NAV1: variants seen among roughly 807,000 people sequenced by gnomAD.
NAV1 encodes neuron navigator 1.
NAV1 carries 18 observed loss-of-function variants against 175.2 expected under a neutral mutation model. That is an observed-to-expected ratio of 0.10 (90% CI 0.07 to 0.15). The LOEUF is 0.15. Among genes scored for constraint, NAV1 ranks in the 10% least tolerant of loss-of-function variants. The probability of loss-of-function intolerance (pLI) is 1.00; values close to 1 mark genes in which losing one functional copy is unlikely to be tolerated. For missense variants in NAV1, 1,731 were observed against 2,436.6 expected (o/e 0.71, Z 6.10); for synonymous variants, 897 against 978.7 (o/e 0.92, Z 1.56).
intron 1 of NAV1, among the ~76,000 whole-genome samples, chr1:201,657,990 G>A (rs963396374): frequency 1.3e-5 from 2 of 152,202 alleles, no homozygotes; most frequent in Non-Finnish European, 2.9e-5. Flanking sequence ...CTGAGATCAC[G>A]CCACTGCACT....
At chr1:201,610,639 T>C (rs1280072188) in intron 2 of NAV1, among the ~76,000 whole-genome samples, 4 of 152,146 alleles carry the variant, frequency 2.6e-5, no homozygotes, top group East Asian at 3.9e-4. Flanking sequence ...GGGAAGAGCA[T>C]TTGTCCTTCT....
intron 2 of NAV1, among the ~76,000 whole-genome samples, chr1:201,616,969 G>A (rs1454524116): frequency 1.3e-5 from 2 of 152,110 alleles, no homozygotes; most frequent in African/African-American, 4.8e-5. Context: ...TTGAACAAAG[G>A]GATCCTGCCA....
chr1:201,684,382 G>A (rs1200115173), intron 1 of NAV1, among the ~76,000 whole-genome samples: 1 of 151,506 alleles, frequency 6.6e-6, no homozygotes, highest in Non-Finnish European at 1.5e-5. Context: ...TATGTAAACT[G>A]TGTGTGTGTA....
intron 1 of NAV1, among the ~76,000 whole-genome samples, chr1:201,580,791 A>C (rs545098884): frequency 6.6e-6 from 1 of 152,100 alleles, no homozygotes; most frequent in African/African-American, 2.4e-5. Flanking sequence ...AAAAAAGAAT[A>C]TGAGATATTC....
rs775161971 is a variant in NAV1 at position 201,811,600 on chromosome 1, C to T, written c.4798-3C>T. ...GCTGACCCACAGCCTTCTTTTATTC[C>T]AGGATCTGCAACTGTATCTTTCCAA... On this transcript the variant is annotated splice_region_variant and splice_polypyrimidine_tract_variant and intron_variant, in intron 24 of 29. Transcript: ENST00000367296. 5.0e-6 allele frequency: 8 copies of T among 1,613,910 alleles called. No homozygotes were observed. The African/African-American group carries it at 8.0e-5, about 16-fold the overall frequency.
At chr1:201,564,074 G>A (rs188998456) in intron 1 of NAV1, among the ~76,000 whole-genome samples, 1 of 149,690 alleles carries the variant, frequency 6.7e-6, no homozygotes, top group Non-Finnish European at 1.5e-5. Flanking sequence ...TCCAGCCTGG[G>A]TGACAGAGCA....
intron 1 of NAV1, among the ~76,000 whole-genome samples, chr1:201,685,310 C>T (rs535963570): frequency 6.6e-6 from 1 of 152,308 alleles, no homozygotes; most frequent in African/African-American, 2.4e-5. Context: ...AGGCTACACT[C>T]CAAAGGCTGA....
At chr1:201,793,798 C>T (rs1352062982) in exon 14 of NAV1, 2 of 1,553,630 alleles carry the variant, frequency 1.3e-6, no homozygotes, top group African/African-American at 2.8e-5. Context: ...TCAGGCTAAT[C>T]TGGTGGCTGC....
intron 1 of NAV1, among the ~76,000 whole-genome samples, chr1:201,672,007 C>G (rs1212627898): frequency 6.6e-6 from 1 of 152,166 alleles, no homozygotes; most frequent in Non-Finnish European, 1.5e-5. Flanking sequence ...AGCAGTGTCC[C>G]GTCTCTCCTC....
chr1:201,742,429 C>G (rs4950845), intron 3 of NAV1, among the ~76,000 whole-genome samples: 2,091 of 152,258 alleles, frequency 0.014, 115 homozygotes, highest in Admixed American at 0.11. Flanking sequence ...AGATGTATTT[C>G]TTCTCTGGAT....
chr1:201,683,737 G>A (rs928920961), intron 1 of NAV1, among the ~76,000 whole-genome samples: 9 of 152,116 alleles, frequency 5.9e-5, no homozygotes, highest in Non-Finnish European at 8.8e-5. Context: ...TAATTATCTC[G>A]CTAAGGTGGT....
At chr1:201,737,471 T>C (rs1335120408) in intron 3 of NAV1, 1 of 152,238 alleles carries the variant, frequency 6.6e-6, no homozygotes, top group Non-Finnish European at 1.5e-5. Context: ...GCCTCTCCCC[T>C]GAGCTGAGCT....
exon 2 of NAV1, among the ~76,000 whole-genome samples, chr1:201,588,635 G>T (rs565826193): frequency 2.0e-5 from 3 of 151,812 alleles, no homozygotes; most frequent in East Asian, 3.9e-4. Context: ...TTACAGGTGT[G>T]AGCCACACAC....
chr1:201,731,338 G>A (rs1004259008), intron 3 of NAV1, among the ~76,000 whole-genome samples: 6 of 152,202 alleles, frequency 3.9e-5, no homozygotes, highest in Middle Eastern at 6.8e-3. Context: ...ACACAGGCCC[G>A]CCGATGTGCA....
At chr1:201,684,155 G>A (rs576901184) in intron 1 of NAV1, among the ~76,000 whole-genome samples, 29 of 152,166 alleles carry the variant, frequency 1.9e-4, no homozygotes, top group African/African-American at 7.0e-4. Context: ...AGATGCTCTA[G>A]GTTCATTTTG....
chr1:201,693,889 GT>G (rs1671067108), intron 1 of NAV1, among the ~76,000 whole-genome samples: 1 of 152,176 alleles, frequency 6.6e-6, no homozygotes, highest in African/African-American at 2.4e-5. Context: ...AGAGACTCAA[GT>G]TTGCATGGAT....
intron 1 of NAV1, among the ~76,000 whole-genome samples, chr1:201,705,672 C>T (rs1671637121): frequency 6.6e-6 from 1 of 152,142 alleles, no homozygotes; most frequent in Admixed American, 6.5e-5. Context: ...AACAAATAGT[C>T]CCCTGCCTGC....
intron 1 of NAV1, 42 bp downstream of exon 5, chr1:201,649,467 C>A (rs1303842211): frequency 2.8e-6 from 4 of 1,426,060 alleles, no homozygotes; most frequent in East Asian, 2.5e-5. Flanking sequence ...CTGGCTTTCT[C>A]CTAACCAGCT....
intron 1 of NAV1, among the ~76,000 whole-genome samples, chr1:201,684,912 C>T (rs146818577): frequency 0.019 from 2,777 of 148,804 alleles, 89 homozygotes; most frequent in African/African-American, 0.065. Flanking sequence ...CAGTGAGCCA[C>T]GATCATGCTA....
Sources: gnomAD v4.1 joint callset for allele counts (sites outside exome capture counted in the v4.1 genomes callset) on GRCh38, gnomAD v4.1.1 for gene constraint, MANE v1.5 for transcripts, NCBI Gene and HGNC (gene_info 2026-07-23, HGNC 2026-07-21) for gene names.